Variants in KIAA1549L observed in about 807,000 individuals in gnomAD.
KIAA1549L encodes KIAA1549 like.
KIAA1549L carries 88 observed loss-of-function variants against 160.7 expected under a neutral mutation model. The observed-to-expected ratio is 0.55, with a 90% CI of 0.46 to 0.65. KIAA1549L has a LOEUF of 0.65. Ranked by LOEUF, KIAA1549L falls within the 30% of genes least tolerant of loss-of-function variation. KIAA1549L has a pLI of 0.00. For missense variants in KIAA1549L, 2,258 were observed against 2,437.5 expected, an observed-to-expected ratio of 0.93 and a Z score of 1.55; for synonymous variants, 950 against 976.7, an observed-to-expected ratio of 0.97 and a Z score of 0.51.
intron 17 of KIAA1549L, among the ~76,000 whole-genome samples, chr11:33,649,508 A>G (rs1333543409): frequency 8.4e-5 from 6 of 71,612 alleles, no homozygotes; most frequent in Non-Finnish European, 2.0e-4. Context: ...TCTATTGTAA[A>G]AAAAAAAAAA....
rs76346949 is a variant in KIAA1549L, at chr11:33,580,691, C to A, written c.4403-2647C>A. Among the ~76,000 whole-genome samples, 1,456 of 152,042 alleles carry A rather than the reference C, an allele frequency of 9.6e-3. 14 individuals carry two copies. The highest frequency in any genetic ancestry group is 0.031 in the African/African-American group (1,300 of 41,436). On this transcript the variant is annotated intron_variant, in intron 10 of 20. Coordinates refer to ENST00000658780, the MANE Select transcript of KIAA1549L (RefSeq NM_012194.3). ...TTTTTTAACAGATATTTATTGAGCACCTACTATGTGCAGGGCACTGCTCTG... is the reference window on the plus strand; with the variant it reads ...TTTTTTAACAGATATTTATTGAGCAACTACTATGTGCAGGGCACTGCTCTG...
intron 1 of KIAA1549L, among the ~76,000 whole-genome samples, chr11:33,402,030 T>C (rs934317422): frequency 2.0e-5 from 3 of 152,220 alleles, no homozygotes; most frequent in Admixed American, 6.5e-5. Context: ...GGCCAAGATA[T>C]GTTCTAGCCT....
intron 11 of KIAA1549L, among the ~76,000 whole-genome samples, chr11:33,589,238 G>A (rs1046925774): frequency 3.9e-5 from 6 of 152,218 alleles, no homozygotes; most frequent in African/African-American, 7.2e-5. Flanking sequence ...TTAGAATGGC[G>A]ATCATTAAAA....
Position 33,520,786 on chromosome 11 carries a change from C to G in KIAA1549L, c.239-21016C>G, listed in dbSNP as rs527735141. 3.4e-5 allele frequency among the ~76,000 whole-genome samples: 5 copies of G among 146,470 alleles called. No homozygotes were observed. The East Asian group carries it at 6.2e-4, about 18-fold the overall frequency. The stretch of plus-strand genomic sequence containing the variant: ...TCGTAATTGTTTTTTCTTGTTTTGT[C>G]TTGGTTGGGTGAAAACTTTGCATCA... On this transcript the variant is annotated intron_variant, in intron 1 of 20. Coordinates refer to ENST00000658780, the MANE Select transcript of KIAA1549L (RefSeq NM_012194.3).
intron 1 of KIAA1549L, among the ~76,000 whole-genome samples, chr11:33,417,379 C>T (rs774809891): frequency 5.3e-5 from 8 of 152,162 alleles, no homozygotes; most frequent in South Asian, 4.1e-4. Context: ...TCACTGTAGG[C>T]GCTGCACACT....
chr11:33,574,135 TTTTTA>T (rs1478361154), intron 9 of KIAA1549L, among the ~76,000 whole-genome samples: 1 of 152,112 alleles, frequency 6.6e-6, no homozygotes, highest in Admixed American at 6.5e-5. Context: ...TTACAGATTG[TTTTTA>T]TTTTATTTCT....
chr11:33,612,175 GGACA>G (rs1301168475), intron 15 of KIAA1549L, among the ~76,000 whole-genome samples: 3 of 152,086 alleles, frequency 2.0e-5, no homozygotes, highest in African/African-American at 4.8e-5. Context: ...GAATGGGGAG[GGACA>G]GACAGAAAAA....
In KIAA1549L at chr11:33,649,064, A is replaced by G. The variant is rs542211730; in HGVS notation, c.5760+3028A>G. ...GAAGTAAAGAAACTTGCCCAAGTTTATGCAGCAGTAAATGGCAGAACTGGA... is the reference window on the plus strand; with the variant it reads ...GAAGTAAAGAAACTTGCCCAAGTTTGTGCAGCAGTAAATGGCAGAACTGGA... On this transcript the variant is annotated intron_variant, in intron 17 of 20. Coordinates refer to ENST00000658780, the MANE Select transcript of KIAA1549L (RefSeq NM_012194.3). 1.8e-4 allele frequency among the ~76,000 whole-genome samples: 28 copies of G among 152,336 alleles called. No homozygotes were observed. The South Asian group carries it at 5.8e-3, about 32-fold the overall frequency.
intron 1 of KIAA1549L, among the ~76,000 whole-genome samples, chr11:33,473,647 C>G (rs1265932302): frequency 3.3e-5 from 5 of 152,180 alleles, no homozygotes; most frequent in Non-Finnish European, 7.3e-5. Context: ...TTCAAAGGCT[C>G]TCCACCATTT....
At chr11:33,418,047 G>A (rs1200548469) in intron 1 of KIAA1549L, among the ~76,000 whole-genome samples, 1 of 152,132 alleles carries the variant, frequency 6.6e-6, no homozygotes, top group Non-Finnish European at 1.5e-5. Context: ...CCAAAGTGCT[G>A]GGATTACAGG....
intron 20 of KIAA1549L, among the ~76,000 whole-genome samples, chr11:33,666,041 A>G (rs989822385): frequency 1.3e-5 from 2 of 152,122 alleles, no homozygotes; most frequent in African/African-American, 4.8e-5. Context: ...GTCTGCAGCT[A>G]TGGGTGGGGT....
chr11:33,560,354 C>T (rs1854811349), intron 7 of KIAA1549L, among the ~76,000 whole-genome samples: 1 of 152,186 alleles, frequency 6.6e-6, no homozygotes, highest in South Asian at 2.1e-4. Context: ...TCTGAGCTTA[C>T]AATTCTGCCT....
At chr11:33,535,633 C>G (rs1293061053) in intron 1 of KIAA1549L, among the ~76,000 whole-genome samples, 2 of 140,264 alleles carry the variant, frequency 1.4e-5, no homozygotes, top group Admixed American at 7.1e-5. Context: ...GATCACACCT[C>G]TGCAGTCTAG....
chr11:33,606,787 A>G lies in KIAA1549L; in HGVS notation c.5026A>G (p.Arg1676Gly). Residue 1676 changes from arginine to glycine, a missense_variant, in exon 14 of 21, where the codon AGG (arginine) becomes GGG (glycine). Physicochemically the swap from Arg to Gly is moderately radical, Grantham distance 125. Coordinates refer to ENST00000658780, the MANE Select transcript of KIAA1549L (RefSeq NM_012194.3). ...CCCCATGGTGCCCCCCACCTCGGAC[A>G]GGAGCCAGGAGTCATCGGCAGTCCT... ...ALPMVPPTSD[R>G]SQESSAVLNG... 1 of 1,612,670 alleles carries G rather than the reference A, an allele frequency of 6.2e-7. No homozygotes were observed. The highest frequency in any genetic ancestry group is 8.5e-7 in the Non-Finnish European group (1 of 1,179,318).
chr11:33,424,764 C>T lies in KIAA1549L; in HGVS notation c.238+47875C>T, dbSNP rs115045505. Among the ~76,000 whole-genome samples, 281 of 152,252 alleles carry T rather than the reference C, an allele frequency of 1.8e-3. 2 individuals are homozygous for T. The highest frequency in any genetic ancestry group is 6.7e-3 in the African/African-American group (280 of 41,536). The stretch of plus-strand genomic sequence containing the variant: ...AACCAGGAGAATGATGATCTTTGTT[C>T]AAGTTTTAAATACAGAGTATTGAAA... On this transcript the variant is annotated intron_variant, in intron 1 of 20. Coordinates refer to ENST00000658780, the MANE Select transcript of KIAA1549L (RefSeq NM_012194.3).
In KIAA1549L at chr11:33,525,353, G is replaced by A. The variant is rs556073074; in HGVS notation, c.239-16449G>A. ...ATTTAACCTTATCTAGAACTGAAAC[G>A]GTTTTAAGGAGCTGAGAGAAGTATA... is the stretch of plus-strand genomic sequence containing the variant. On this transcript the variant is annotated intron_variant, in intron 1 of 20. Transcript: ENST00000658780. 6.6e-5 allele frequency among the ~76,000 whole-genome samples: 10 copies of A among 152,232 alleles called. No individual in the cohort carries two copies. In the East Asian group the frequency reaches 1.2e-3, roughly 18 times the overall value.
At chr11:33,434,871 T>C (rs145008225) in intron 1 of KIAA1549L, among the ~76,000 whole-genome samples, 77 of 152,348 alleles carry the variant, frequency 5.1e-4, no homozygotes, top group African/African-American at 1.7e-3. Context: ...GTTAAACTTA[T>C]TTCCCATCCT....
intron 15 of KIAA1549L, 47 bp from the exon 16 acceptor site, chr11:33,618,486 C>T (rs374383738): frequency 8.4e-6 from 13 of 1,542,158 alleles, no homozygotes; most frequent in African/African-American, 1.4e-5. Context: ...AGAATTCCAT[C>T]TGTCAGGGCA....
intron 8 of KIAA1549L, among the ~76,000 whole-genome samples, chr11:33,564,215 C>T: frequency 6.6e-6 from 1 of 152,184 alleles, no homozygotes; most frequent in East Asian, 1.9e-4. Flanking sequence ...AGCCACCAAC[C>T]AACCTGCCCC....
Sources: allele counts gnomAD v4.1 joint callset (sites outside exome capture counted in the v4.1 genomes callset), GRCh38; gene constraint gnomAD v4.1.1; transcripts MANE v1.5; gene names NCBI Gene and HGNC (gene_info 2026-07-23, HGNC 2026-07-21).